The following INO80C variants were observed in gnomAD, a reference collection of about 807,000 sequenced individuals.
The protein encoded by INO80C is INO80 complex subunit C.
A neutral mutation model predicts 17.7 loss-of-function variants in INO80C; 17 were observed. The ratio of observed to expected loss-of-function variants is 0.96; its 90% CI spans 0.66 to 1.44. The LOEUF is 1.44. INO80C is among the 40% of genes most tolerant of loss of function. The probability of loss-of-function intolerance (pLI) is 0.00; values close to 1 mark genes in which losing one functional copy is unlikely to be tolerated. For synonymous variants in INO80C, 96 were observed against 95.8 expected (o/e 1.00, Z -0.01); for missense variants, 244 against 245.0 (o/e 1.00, Z 0.03).
At chr18:35,491,961 T>C (rs1233449483) in intron 1 of INO80C, among the ~76,000 whole-genome samples, 2 of 152,146 alleles carry the variant, frequency 1.3e-5, no homozygotes, top group Admixed American at 6.5e-5. Context: ...CCTATGCTAA[T>C]AGACTGGAGT....
At chr18:35,481,929 T>A (rs979643526) in intron 1 of INO80C, among the ~76,000 whole-genome samples, 1 of 152,196 alleles carries the variant, frequency 6.6e-6, no homozygotes, top group African/African-American at 2.4e-5. Flanking sequence ...TGTTGTTGCG[T>A]GGATCAGTCT....
At chr18:35,472,557 C>A (rs11877663) in intron 4 of INO80C, among the ~76,000 whole-genome samples, 204 of 152,254 alleles carry the variant, frequency 1.3e-3, no homozygotes, top group African/African-American at 4.7e-3. Flanking sequence ...GTTGCCTGTT[C>A]ACTGTGATGG....
chr18:35,495,066 G>A (rs1407081107), intron 1 of INO80C, among the ~76,000 whole-genome samples: 1 of 152,228 alleles, frequency 6.6e-6, no homozygotes, highest in African/African-American at 2.4e-5. Flanking sequence ...CAGGGGTACT[G>A]TGCTTATGCC....
intron 1 of INO80C, among the ~76,000 whole-genome samples, chr18:35,484,294 G>A (rs2045847362): frequency 6.6e-6 from 1 of 152,236 alleles, no homozygotes; most frequent in Non-Finnish European, 1.5e-5. Flanking sequence ...TGAGCTCACA[G>A]TTTTCAGTAT....
rs757389010 is a variant in INO80C, at chr18:35,468,728, G to T, written c.462C>A (p.Asp154Glu). The T allele has an allele frequency of 1.9e-6, 3 of 1,614,048 alleles. No homozygotes were observed. In the South Asian group the frequency reaches 3.3e-5, roughly 18 times the overall value. Reference protein sequence around the residue: ...DVSGLLANYTDPQSKLRFSTI... With the variant: ...DVSGLLANYTEPQSKLRFSTI... The stretch of plus-strand genomic sequence containing the variant: ...TGCTGAACCGCAGTTTGCTCTGGGG[G>T]TCTGTGTAGTTGGCCTGGGTGAAAA... Residue 154 changes from aspartate to glutamate, a missense_variant, in exon 5 of 5, where the codon GAC becomes GAA. Transcript: ENST00000334598.
chr18:35,475,765 C>T (rs1477066173), intron 4 of INO80C, among the ~76,000 whole-genome samples: 1 of 151,608 alleles, frequency 6.6e-6, no homozygotes, highest in Admixed American at 6.6e-5. Context: ...ATAAGAAAAG[C>T]ACAGTAAATT....
In INO80C at chr18:35,491,071, T is replaced by C. The variant is rs567257698; in HGVS notation, c.156+6648A>G. Among the ~76,000 whole-genome samples the C allele has an allele frequency of 1.6e-4, 24 of 152,324 alleles. 1 individual carries two copies. Among genetic ancestry groups the C allele is most frequent in the Admixed American group, 1.6e-3 (24 of 15,302 alleles). ...CACTGCGCCTGGCCAAATACTGTTA[T>C]TTCTCCTTTTCAGTTTATTCCACTT... is the stretch of plus-strand genomic sequence containing the variant. On this transcript the variant is annotated intron_variant, in intron 1 of 4. Coordinates refer to ENST00000334598, the MANE Select transcript of INO80C (RefSeq NM_194281.4).
intron 1 of INO80C, among the ~76,000 whole-genome samples, chr18:35,482,689 C>T (rs903457822): frequency 1.3e-4 from 20 of 152,302 alleles, no homozygotes; most frequent in African/African-American, 4.6e-4. Flanking sequence ...TGAGAGGCTG[C>T]CCATTCCTCA....
chr18:35,496,802 G>A (rs919270860), intron 1 of INO80C: 41 of 152,230 alleles, frequency 2.7e-4, no homozygotes, highest in African/African-American at 9.9e-4. Context: ...CTGGGATACA[G>A]GCGTGAGACA....
At chr18:35,480,621 C>T (rs1471082991) in intron 1 of INO80C, 58 bp from the exon 2 acceptor site, 1 of 1,252,172 alleles carries the variant, frequency 8.0e-7, no homozygotes, top group African/African-American at 1.5e-5. Context: ...GAGTTCCCCA[C>T]CTCTGCTCTC....
chr18:35,488,187 C>G (rs1376049266), intron 1 of INO80C, among the ~76,000 whole-genome samples: 1 of 152,224 alleles, frequency 6.6e-6, no homozygotes, highest in African/African-American at 2.4e-5. Context: ...ATTCCGGGCT[C>G]TGAAGGACGG....
chr18:35,493,151 C>T (rs1275912816), intron 1 of INO80C, among the ~76,000 whole-genome samples: 1 of 152,170 alleles, frequency 6.6e-6, no homozygotes, highest in Non-Finnish European at 1.5e-5. Flanking sequence ...ATGAAGTGAT[C>T]AATTCACAGA....
At chr18:35,469,337 T>C (rs2045642268) in intron 4 of INO80C, among the ~76,000 whole-genome samples, 1 of 152,284 alleles carries the variant, frequency 6.6e-6, no homozygotes, top group South Asian at 2.1e-4. Flanking sequence ...ATAAAATCTC[T>C]CAAAATGGCT....
At chr18:35,482,280 T>C (rs902817307) in intron 1 of INO80C, among the ~76,000 whole-genome samples, 2 of 152,252 alleles carry the variant, frequency 1.3e-5, no homozygotes, top group Non-Finnish European at 2.9e-5. Flanking sequence ...ACAGCTTATC[T>C]ACTCTCAGCT....
At position 35,497,736 on chromosome 18, in the gene INO80C, C is replaced by T. The variant is rs762498297; in HGVS notation, c.139G>A (p.Ala47Thr). ...CTGCGTACCTGCGCAAAGCTGGAAG[C>T]GGACGCTTTTTTCTTCTTACTGGCG... The part of the protein sequence containing the change: ...YGASKKKKAS[A>T]SSFAQGISME... The change falls in exon 1 of 5, where the codon GCT (alanine) becomes ACT (threonine). Residue 47 changes from alanine to threonine, a missense_variant. Ala to Thr is a moderately conservative substitution (Grantham distance 58). Transcript: ENST00000334598. 2.5e-6 allele frequency: 4 copies of T among 1,612,368 alleles called. No homozygotes were observed. Among genetic ancestry groups the T allele is most frequent in the East Asian group, 2.2e-5 (1 of 44,632 alleles).
chr18:35,493,921 C>T (rs355330), intron 1 of INO80C, among the ~76,000 whole-genome samples: 113,619 of 152,114 alleles, frequency 0.75, 42,620 homozygotes, highest in East Asian at 0.98. Context: ...ATAAAATCTC[C>T]TCTAACTCAA....
chr18:35,496,137 T>A (rs2045978754), intron 1 of INO80C, among the ~76,000 whole-genome samples: 1 of 152,216 alleles, frequency 6.6e-6, no homozygotes, highest in African/African-American at 2.4e-5. Flanking sequence ...ATGCCTACCT[T>A]CTGACTCAGC....
intron 3 of INO80C, chr18:35,479,098 G>T: frequency 2.1e-6 from 1 of 470,990 alleles, no homozygotes; most frequent in Non-Finnish European, 3.8e-6. Context: ...ACACATCCAT[G>T]ACAACACAAA....
intron 4 of INO80C, among the ~76,000 whole-genome samples, chr18:35,469,998 G>T (rs2045650187): frequency 6.6e-6 from 1 of 152,144 alleles, no homozygotes; most frequent in African/African-American, 2.4e-5. Context: ...AAGCACATGG[G>T]CTTCTACGGA....
Sources: gnomAD v4.1 joint callset for allele counts (sites outside exome capture counted in the v4.1 genomes callset) on GRCh38, gnomAD v4.1.1 for gene constraint, MANE v1.5 for transcripts, NCBI Gene and HGNC (gene_info 2026-07-23, HGNC 2026-07-21) for gene names.